Variants in ADGRL3 observed in about 807,000 individuals in gnomAD.
ADGRL3 encodes the protein calcium-independent alpha-latrotoxin receptor 3.
Under a neutral mutation model 153.5 loss-of-function variants are expected in ADGRL3, and 62 were observed. That is an observed-to-expected ratio of 0.40 (90% confidence interval 0.33 to 0.50). ADGRL3 has a LOEUF of 0.50. Among genes scored for constraint, ADGRL3 ranks in the 20% least tolerant of loss-of-function variants. The probability of loss-of-function intolerance (pLI) is 0.47; values close to 1 mark genes in which losing one functional copy is unlikely to be tolerated. For synonymous variants in ADGRL3, 710 were observed against 672.5 expected (o/e 1.06, Z -0.86); for missense variants, 1,641 against 1,859.4 (o/e 0.88, Z 2.16).
At chr4:61,477,995 A>G (rs1042126515) in intron 2 of ADGRL3, among the ~76,000 whole-genome samples, 1 of 152,058 alleles carries the variant, frequency 6.6e-6, no homozygotes, top group Non-Finnish European at 1.5e-5. Flanking sequence ...TGGACTTCAT[A>G]CTTTTTACAT....
rs184785888 is a variant in ADGRL3, at chr4:61,647,297, C to T, written c.474-29529C>T. ...CTTTTCCTATTCGGCCATCTTGGCT[C>T]CTCCCCGATTTAACTTTTAAAATTG... On this transcript the variant is annotated intron_variant, in intron 5 of 26. Transcript: ENST00000683033. 8.0e-4 allele frequency among the ~76,000 whole-genome samples: 122 copies of T among 152,194 alleles called. No individual in the cohort carries two copies. The East Asian group carries it at 0.019, about 24-fold the overall frequency.
intron 25 of ADGRL3, among the ~76,000 whole-genome samples, chr4:62,060,892 A>C (rs1012446112): frequency 2.0e-5 from 3 of 151,948 alleles, no homozygotes; most frequent in African/African-American, 7.2e-5. Context: ...TTATATCTTC[A>C]GAAAGCAAAT....
chr4:61,278,820 A>G lies in ADGRL3; in HGVS notation c.-240+77055A>G, dbSNP rs992274901. Among the ~76,000 whole-genome samples the G allele has an allele frequency of 5.3e-5, 8 of 152,192 alleles. No homozygotes were observed. The East Asian group carries it at 1.3e-3, about 26-fold the overall frequency. The stretch of plus-strand genomic sequence containing the variant: ...TGCACCTGGCCGTGGTACTACTTCA[A>G]AGGGCAAAAGAAGCACTTCAGTAGT... On this transcript the variant is annotated intron_variant, in intron 1 of 26. Coordinates refer to ENST00000683033, the MANE Select transcript of ADGRL3 (RefSeq NM_001387552.1).
rs146748416 is a variant in ADGRL3 at position 61,699,861 on chromosome 4, G to T, written c.583+22926G>T. Among the ~76,000 whole-genome samples the T allele has an allele frequency of 2.4e-3, 359 of 151,578 alleles. 2 individuals carry two copies. The highest frequency in any genetic ancestry group is 8.2e-3 in the African/African-American group (340 of 41,356). ...AACTACTTGAAAGTTGCTTAACTTG[G>T]AAAAAAAGTACTATGGATAAACTAT... On this transcript the variant is annotated intron_variant, in intron 6 of 26. Coordinates refer to ENST00000683033, the MANE Select transcript of ADGRL3 (RefSeq NM_001387552.1).
intron 21 of ADGRL3, among the ~76,000 whole-genome samples, chr4:62,008,355 A>T (rs555287862): frequency 3.7e-4 from 57 of 152,266 alleles, no homozygotes; most frequent in African/African-American, 1.3e-3. Flanking sequence ...GGCATCTGGC[A>T]TCTACACGAG....
In ADGRL3 at chr4:61,869,936, T is replaced by TAAA. The variant is rs1190618911; in HGVS notation, c.1481-22697_1481-22695dup. On this transcript the variant is annotated intron_variant, in intron 9 of 26. Transcript: ENST00000683033. ...CTGGGCAACAAGAGCAAAACTTTGT[T>TAAA]AAAAAAAAAAAAAAAAAAAAAAAAA... Among the ~76,000 whole-genome samples the TAAA allele has an allele frequency of 2.2e-3, 23 of 10,506 alleles. 4 individuals are homozygous for TAAA. The highest frequency in any genetic ancestry group is 3.6e-3 in the Non-Finnish European group (14 of 3,912). The allele number at this position is 10,506 out of a possible 152,430, so 6.9% of individuals were successfully genotyped here. A position where few individuals can be genotyped will look rare whatever the true frequency, so the allele number is the denominator to read the frequency against.
At chr4:61,421,520 C>G (rs1047810242) in intron 2 of ADGRL3, among the ~76,000 whole-genome samples, 4 of 152,048 alleles carry the variant, frequency 2.6e-5, no homozygotes, top group African/African-American at 9.7e-5. Context: ...ATTCCAGTGC[C>G]TTATTTATTT....
intron 1 of ADGRL3, among the ~76,000 whole-genome samples, chr4:61,345,714 C>T (rs1433666746): frequency 2.6e-5 from 4 of 152,168 alleles, no homozygotes; most frequent in Admixed American, 2.0e-4. Context: ...TTCTTTTGTC[C>T]TCTTACAAAA....
intron 6 of ADGRL3, among the ~76,000 whole-genome samples, chr4:61,723,179 C>T (rs573652621): frequency 2.6e-5 from 4 of 152,222 alleles, no homozygotes; most frequent in Admixed American, 2.6e-4. Flanking sequence ...ATTTCTTTGA[C>T]AGCATTTAAG....
At chr4:61,576,796 A>T (rs1293812107) in intron 4 of ADGRL3, among the ~76,000 whole-genome samples, 1 of 151,622 alleles carries the variant, frequency 6.6e-6, no homozygotes. Flanking sequence ...GTTGGAAAAC[A>T]TAACAATGTG....
Position 61,707,385 on chromosome 4 carries a change from A to G in ADGRL3, c.584-23237A>G, listed in dbSNP as rs138615366. On this transcript the variant is annotated intron_variant, in intron 6 of 26. Coordinates refer to ENST00000683033, the MANE Select transcript of ADGRL3 (RefSeq NM_001387552.1). Reference sequence around the variant, plus strand: ...AACCTTCAATTTGCAAAAAAAGGCAATATCTGCAAATCACAGTAAAATGAA... The same window carrying G: ...AACCTTCAATTTGCAAAAAAAGGCAGTATCTGCAAATCACAGTAAAATGAA... Among the ~76,000 whole-genome samples, 418 of 152,312 alleles carry G rather than the reference A, an allele frequency of 2.7e-3. 2 individuals carry two copies. The highest frequency in any genetic ancestry group is 9.6e-3 in the African/African-American group (398 of 41,566).
chr4:61,428,867 CTAT>C, intron 2 of ADGRL3, among the ~76,000 whole-genome samples: 1 of 120,220 alleles, frequency 8.3e-6, no homozygotes, highest in South Asian at 2.8e-4. Context: ...ATCTATCTAT[CTAT>C]CTATATCATC....
intron 23 of ADGRL3, among the ~76,000 whole-genome samples, chr4:62,037,229 T>C (rs1287610102): frequency 6.6e-6 from 1 of 152,090 alleles, no homozygotes; most frequent in East Asian, 1.9e-4. Context: ...TAAATATCTT[T>C]TCTCTGCTTC....
chr4:61,622,802 A>G (rs1265336403), intron 5 of ADGRL3, among the ~76,000 whole-genome samples: 1 of 152,166 alleles, frequency 6.6e-6, no homozygotes, highest in Non-Finnish European at 1.5e-5. Flanking sequence ...AATAAATTTC[A>G]GATTGAATTC....
intron 21 of ADGRL3, among the ~76,000 whole-genome samples, chr4:62,020,576 A>G (rs1224095576): frequency 6.6e-6 from 1 of 152,162 alleles, no homozygotes; most frequent in Non-Finnish European, 1.5e-5. Flanking sequence ...ACAAAATAAA[A>G]ACAAATATAA....
chr4:61,898,317 A>C (rs1293667361), intron 11 of ADGRL3, among the ~76,000 whole-genome samples: 2 of 152,132 alleles, frequency 1.3e-5, no homozygotes, highest in African/African-American at 4.8e-5. Context: ...TTGTTGTCTA[A>C]GGTAAATACC....
chr4:61,391,753 C>T (rs956283977), intron 2 of ADGRL3, among the ~76,000 whole-genome samples: 1 of 151,034 alleles, frequency 6.6e-6, no homozygotes, highest in Non-Finnish European at 1.5e-5. Context: ...TCTTCAAACA[C>T]TGGATTTTGT....
intron 5 of ADGRL3, among the ~76,000 whole-genome samples, chr4:61,591,420 AGT>A (rs2098968672): frequency 6.6e-6 from 1 of 152,136 alleles, no homozygotes; most frequent in Non-Finnish European, 1.5e-5. Context: ...CAACCTGTGC[AGT>A]GTCCAATCTA....
intron 3 of ADGRL3, among the ~76,000 whole-genome samples, chr4:61,503,614 A>G (rs1353549760): frequency 1.3e-5 from 2 of 152,076 alleles, no homozygotes; most frequent in Admixed American, 6.5e-5. Flanking sequence ...AAAGACGGTA[A>G]GATATCATTA....
Sources: gnomAD v4.1 joint callset for allele counts (sites outside exome capture counted in the v4.1 genomes callset) on GRCh38, gnomAD v4.1.1 for gene constraint, MANE v1.5 for transcripts, NCBI Gene and HGNC (gene_info 2026-07-23, HGNC 2026-07-21) for gene names.